The following ZNF264 variants were observed in gnomAD, a reference collection of about 807,000 sequenced individuals.
ZNF264 encodes the protein zinc finger protein 264.
A neutral mutation model predicts 11.2 loss-of-function variants in ZNF264; 11 were observed. The observed-to-expected ratio is 0.98, with a 90% CI of 0.62 to 1.63. The LOEUF (loss-of-function observed/expected upper bound fraction) is 1.63, where lower values mean the gene tolerates loss of function less well. Among genes scored for constraint, ZNF264 ranks in the 40% most tolerant of loss-of-function variants. The pLI is 0.00. For synonymous variants in ZNF264, 309 were observed against 279.8 expected (o/e 1.10, Z -1.04); for missense variants, 752 against 768.1 (o/e 0.98, Z 0.25).
chr19:57,202,274 G>C (rs183227532), intron 2 of ZNF264, among the ~76,000 whole-genome samples: 1 of 151,876 alleles, frequency 6.6e-6, no homozygotes, highest in Non-Finnish European at 1.5e-5. Flanking sequence ...ATGACACAGA[G>C]AGGTTAATAA....
chr19:57,192,520 C>T (rs751148578), intron 1 of ZNF264: 76 of 985,340 alleles, frequency 7.7e-5, no homozygotes, highest in Non-Finnish European at 8.7e-5. Context: ...AGTATCCTGG[C>T]GTCAGAGACA....
chr19:57,201,833 C>T (rs1475726483), intron 2 of ZNF264, among the ~76,000 whole-genome samples: 1 of 151,868 alleles, frequency 6.6e-6, no homozygotes, highest in Non-Finnish European at 1.5e-5. Flanking sequence ...GCAGAACTTT[C>T]TGTGTGGTAC....
At chr19:57,206,026 C>T (rs2087289582) in intron 3 of ZNF264, among the ~76,000 whole-genome samples, 1 of 152,174 alleles carries the variant, frequency 6.6e-6, no homozygotes, top group Non-Finnish European at 1.5e-5. Context: ...ATCCTAACGT[C>T]CTCGAGCTGG....
chr19:57,200,902 A>ACACC (rs1310038939), intron 2 of ZNF264, among the ~76,000 whole-genome samples: 1 of 151,902 alleles, frequency 6.6e-6, no homozygotes, highest in Non-Finnish European at 1.5e-5. Flanking sequence ...GTGAGCCACC[A>ACACC]CACCCACCCT....
chr19:57,206,693 A>G (rs182694252), intron 3 of ZNF264, among the ~76,000 whole-genome samples: 19 of 149,604 alleles, frequency 1.3e-4, no homozygotes, highest in African/African-American at 3.2e-4. Context: ...TCTGAACTCT[A>G]GGGAATAGGG....
chr19:57,203,805 C>T (rs538081910), intron 2 of ZNF264, among the ~76,000 whole-genome samples: 2 of 152,196 alleles, frequency 1.3e-5, no homozygotes, highest in African/African-American at 4.8e-5. Flanking sequence ...ACCACCCACT[C>T]TGTGGTGCTA....
intron 1 of ZNF264, chr19:57,192,557 G>C: frequency 1.0e-6 from 1 of 985,416 alleles, no homozygotes; most frequent in Non-Finnish European, 1.2e-6. Flanking sequence ...AGTAAGGAAA[G>C]AGGCCGATGG....
At chr19:57,193,760 G>T (rs1173860966) in intron 1 of ZNF264, 115 bp from the exon 2 acceptor site, 2 of 1,443,044 alleles carry the variant, frequency 1.4e-6, no homozygotes, top group Non-Finnish European at 1.9e-6. Context: ...AGGCCCTCAG[G>T]AGGTGCTCTG....
chr19:57,213,574 T>A lies in ZNF264; in HGVS notation c.*593T>A, dbSNP rs1465336725. 2.6e-5 allele frequency: 4 copies of A among 152,210 alleles called. No individual in the cohort carries two copies. Among genetic ancestry groups the A allele is most frequent in the Non-Finnish European group, 5.9e-5 (4 of 68,032 alleles). The allele number at this position is 152,210 out of a possible 1,614,324, so 9.4% of individuals were successfully genotyped here. A position where few individuals can be genotyped will look rare whatever the true frequency, so the allele number is the denominator to read the frequency against. ...GTCATCATTGTAGCCATATGGTAAA[T>A]TTTTATTTGTTAAATTTTTAAAAAT... On this transcript the variant is annotated 3_prime_UTR_variant, in exon 4 of 4. Transcript: ENST00000263095.
Position 57,215,626 on chromosome 19 carries a change from G to C in ZNF264, c.*2645G>C, listed in dbSNP as rs1005076523. On this transcript the variant is annotated 3_prime_UTR_variant, in exon 4 of 4. Coordinates refer to ENST00000263095, the MANE Select transcript of ZNF264 (RefSeq NM_003417.5). ...AGGTGGGGTTTTAGATTATTGATTT[G>C]AGATTTTTTTGCTTTTTTAATGTAA... 7.2e-5 allele frequency: 11 copies of C among 152,144 alleles called. No individual in the cohort carries two copies. The highest frequency in any genetic ancestry group is 2.6e-4 in the African/African-American group (11 of 41,522). The allele number at this position is 152,144 out of a possible 1,614,324, so 9.4% of individuals were successfully genotyped here.
Position 57,205,484 on chromosome 19 carries a change from C to G in ZNF264, c.248C>G (p.Thr83Ser). 6.2e-7 allele frequency: 1 copy of G among 1,609,414 alleles called. No homozygotes were observed. The highest frequency in any genetic ancestry group is 8.5e-7 in the Non-Finnish European group (1 of 1,177,920). The change falls in exon 3 of 4, where the codon ACC becomes AGC. Residue 83 changes from threonine to serine, a missense_variant. By Grantham distance (58) the Thr-to-Ser change is moderately conservative. Coordinates refer to ENST00000263095, the MANE Select transcript of ZNF264 (RefSeq NM_003417.5). ...AGGAAGGAAGACCTCTCCCAAGACA[C>G]CTGTCCAGGTAGGAGCCAAGATCTG... ...WTRKEDLSQD[T>S]CPGDKGKPKT...
intron 2 of ZNF264, among the ~76,000 whole-genome samples, chr19:57,198,916 A>G (rs999572226): frequency 1.3e-5 from 2 of 151,904 alleles, no homozygotes; most frequent in Non-Finnish European, 2.9e-5. Flanking sequence ...AACTAGCCCA[A>G]GTCTGGAAAT....
chr19:57,197,578 C>T (rs1207439660), intron 2 of ZNF264, among the ~76,000 whole-genome samples: 1 of 151,912 alleles, frequency 6.6e-6, no homozygotes, highest in East Asian at 1.9e-4. Flanking sequence ...TGCACAGCAG[C>T]CTAGACCTGC....
At chr19:57,197,288 T>G (rs1234932175) in intron 2 of ZNF264, among the ~76,000 whole-genome samples, 5 of 151,542 alleles carry the variant, frequency 3.3e-5, no homozygotes, top group African/African-American at 1.2e-4. Context: ...CGTGACCCAC[T>G]TGATGGCTAG....
rs1200440149 is a variant in ZNF264, at chr19:57,222,036, CTT to C, written c.*9057_*9058del. The C allele has an allele frequency of 2.6e-5, 4 of 151,920 alleles. No individual in the cohort carries two copies. 9.4% of individuals were successfully genotyped at this position (151,920 alleles called of 1,614,324 possible). ...TTCAGCAAAAAAATAATGGTCATGA[CTT>C]TGTGGTGAAGGCTTATGTAATGATT... is the stretch of plus-strand genomic sequence containing the variant. On this transcript the variant is annotated 3_prime_UTR_variant, in exon 4 of 4. Transcript: ENST00000263095.
chr19:57,201,354 G>A (rs1251374741), intron 2 of ZNF264, among the ~76,000 whole-genome samples: 1 of 151,958 alleles, frequency 6.6e-6, no homozygotes, highest in Non-Finnish European at 1.5e-5. Flanking sequence ...CCAGGCAGCT[G>A]CCTCTCCCTG....
chr19:57,208,092 C>T (rs1008783530), intron 3 of ZNF264, among the ~76,000 whole-genome samples: 19 of 152,196 alleles, frequency 1.2e-4, no homozygotes, highest in African/African-American at 4.6e-4. Flanking sequence ...TGGCCTCAAG[C>T]AGTCCATCTG....
chr19:57,213,017 G>A lies in ZNF264; in HGVS notation c.*36G>A, dbSNP rs1212518392. On this transcript the variant is annotated 3_prime_UTR_variant, in exon 4 of 4. Coordinates refer to ENST00000263095, the MANE Select transcript of ZNF264 (RefSeq NM_003417.5). ...TGTTGCTGAATATTACTTGTCATCT[G>A]AAGAGTCATATTAGAAATTCGTTCA... 1.9e-6 allele frequency: 3 copies of A among 1,566,492 alleles called. No individual in the cohort carries two copies. Among genetic ancestry groups the A allele is most frequent in the Admixed American group, 1.8e-5 (1 of 54,220 alleles).
In ZNF264 at chr19:57,212,228, G is replaced by C. The variant is rs1442291840; in HGVS notation, c.1131G>C (p.Gly377=). The change falls in exon 4 of 4, where the codon GGG becomes GGC. Residue 377 remains glycine, a synonymous_variant. Transcript: ENST00000263095. ...AGCCCTATGAGTGCAGTGAATGTGG[G>C]AAGGTCTTCTTGGAGAGTGCAGCCC... is the stretch of plus-strand genomic sequence containing the variant. The part of the protein sequence containing the change: ...GEKPYECSEC[G]KVFLESAALI... 1 of 1,613,886 alleles carries C rather than the reference G, an allele frequency of 6.2e-7. No homozygotes were observed. Among genetic ancestry groups the C allele is most frequent in the Non-Finnish European group, 8.5e-7 (1 of 1,179,974 alleles).
Sources: gnomAD v4.1 joint callset for allele counts (sites outside exome capture counted in the v4.1 genomes callset) on GRCh38, gnomAD v4.1.1 for gene constraint, MANE v1.5 for transcripts, NCBI Gene and HGNC (gene_info 2026-07-23, HGNC 2026-07-21) for gene names.